The following PLD5 variants were observed in gnomAD, a reference collection of about 807,000 sequenced individuals.
PLD5 encodes the protein inactive phospholipase D5.
Under a neutral mutation model 61.1 loss-of-function variants are expected in PLD5, and 36 were observed. The observed-to-expected ratio is 0.59, with a 90% CI of 0.45 to 0.78. The LOEUF (loss-of-function observed/expected upper bound fraction) is 0.78. Ranked by LOEUF, PLD5 falls within the 30% of genes least tolerant of loss-of-function variation. The pLI is 0.00. For synonymous variants in PLD5, 243 were observed against 242.8 expected (o/e 1.00, Z -0.01); for missense variants, 515 against 644.4 (o/e 0.80, Z 2.17).
At chr1:242,207,095 T>C (rs1480846623) in intron 5 of PLD5, among the ~76,000 whole-genome samples, 1 of 152,182 alleles carries the variant, frequency 6.6e-6, no homozygotes, top group Non-Finnish European at 1.5e-5. Context: ...ACACACAATA[T>C]GGAGCAGAGC....
Position 242,429,542 on chromosome 1 carries a change from C to T in PLD5, c.190-81300G>A, listed in dbSNP as rs138068524. On this transcript the variant is annotated intron_variant, in intron 1 of 9. Transcript: ENST00000536534. ...GATTACAGGCATGAGCCACAACACCCGGGCTTGGAAATGCTCTTTATGCAT... is the reference window on the plus strand; with the variant it reads ...GATTACAGGCATGAGCCACAACACCTGGGCTTGGAAATGCTCTTTATGCAT... Among the ~76,000 whole-genome samples, 92 of 152,288 alleles carry T rather than the reference C, an allele frequency of 6.0e-4. No individual in the cohort carries two copies. The East Asian group carries it at 0.011, about 18-fold the overall frequency.
chr1:242,092,661 C>T (rs899316168), intron 9 of PLD5, among the ~76,000 whole-genome samples: 21 of 152,114 alleles, frequency 1.4e-4, no homozygotes, highest in Admixed American at 1.4e-3. Context: ...ATCACTAAGA[C>T]GCTGAGATCA....
At chr1:242,259,307 CCT>C (rs71176735) in intron 4 of PLD5, among the ~76,000 whole-genome samples, 40 of 145,716 alleles carry the variant, frequency 2.7e-4, no homozygotes, top group African/African-American at 5.8e-4. Context: ...AGACATCACC[CCT>C]CTCTCTCTCT....
At chr1:242,448,664 T>C (rs1203794173) in intron 1 of PLD5, among the ~76,000 whole-genome samples, 1 of 152,180 alleles carries the variant, frequency 6.6e-6, no homozygotes, top group Non-Finnish European at 1.5e-5. Context: ...ATAAACATGT[T>C]GTAACTTCCA....
At chr1:242,175,145 C>CA (rs2148887303) in intron 5 of PLD5, among the ~76,000 whole-genome samples, 1 of 151,964 alleles carries the variant, frequency 6.6e-6, no homozygotes, top group South Asian at 2.1e-4. Context: ...AGAGACACAG[C>CA]AAAAAAAGAA....
chr1:242,461,150 G>A (rs1363783070), intron 1 of PLD5, among the ~76,000 whole-genome samples: 1 of 152,068 alleles, frequency 6.6e-6, no homozygotes, highest in African/African-American at 2.4e-5. Flanking sequence ...AAAAAGAGCA[G>A]GGACTTTATC....
intron 5 of PLD5, among the ~76,000 whole-genome samples, chr1:242,148,654 AT>A (rs1428029228): frequency 1.3e-5 from 2 of 152,014 alleles, no homozygotes; most frequent in Non-Finnish European, 2.9e-5. Flanking sequence ...TCTTTTTAAA[AT>A]TCATTTGATG....
chr1:242,446,485 CACTT>C lies in PLD5; in HGVS notation c.189+77599_189+77602del, dbSNP rs1273112692. Among the ~76,000 whole-genome samples, 12 of 152,224 alleles carry C rather than the reference CACTT, an allele frequency of 7.9e-5. 1 individual carries two copies. The East Asian group carries it at 2.1e-3, about 27-fold the overall frequency. ...ACTCAGGAGGCTGAGACATGAGAAT[CACTT>C]GAACCTTAGACGTGGAGGTTGCAGT... On this transcript the variant is annotated intron_variant, in intron 1 of 9. Transcript: ENST00000536534.
chr1:242,252,116 C>T (rs1438663561), intron 4 of PLD5, among the ~76,000 whole-genome samples: 1 of 151,976 alleles, frequency 6.6e-6, no homozygotes, highest in Non-Finnish European at 1.5e-5. Context: ...GTTGAATTAC[C>T]AAGCATGAGA....
At chr1:242,391,566 A>G (rs1272304736) in intron 1 of PLD5, among the ~76,000 whole-genome samples, 1 of 152,204 alleles carries the variant, frequency 6.6e-6, no homozygotes, top group East Asian at 1.9e-4. Flanking sequence ...TTAATCTCGC[A>G]GAAGTGAAGG....
chr1:242,373,989 C>T (rs151293571), intron 1 of PLD5, among the ~76,000 whole-genome samples: 44 of 151,356 alleles, frequency 2.9e-4, no homozygotes, highest in South Asian at 6.3e-4. Context: ...AAAAGAATGT[C>T]GGAACAAAGC....
At chr1:242,424,033 T>C (rs1181894400) in intron 1 of PLD5, among the ~76,000 whole-genome samples, 1 of 152,162 alleles carries the variant, frequency 6.6e-6, no homozygotes, top group African/African-American at 2.4e-5. Context: ...GAAGAAATAA[T>C]CAATAATAAC....
chr1:242,400,433 CAA>C (rs1305923512), intron 1 of PLD5, among the ~76,000 whole-genome samples: 1 of 152,044 alleles, frequency 6.6e-6, no homozygotes, highest in East Asian at 1.9e-4. Context: ...TGATGAAAAG[CAA>C]ACTTTTCAAA....
intron 1 of PLD5, among the ~76,000 whole-genome samples, chr1:242,492,250 A>T (rs1031838910): frequency 3.3e-5 from 5 of 152,056 alleles, no homozygotes; most frequent in African/African-American, 1.2e-4. Flanking sequence ...CGTGGCTCAC[A>T]CCTGTAATCC....
chr1:242,232,544 T>C (rs1671375405), intron 4 of PLD5, among the ~76,000 whole-genome samples: 1 of 151,948 alleles, frequency 6.6e-6, no homozygotes, highest in African/African-American at 2.4e-5. Flanking sequence ...TATATATAAT[T>C]GAAGGAAAAA....
intron 4 of PLD5, among the ~76,000 whole-genome samples, chr1:242,222,271 C>A (rs369959368): frequency 1.3e-5 from 2 of 152,150 alleles, no homozygotes; most frequent in African/African-American, 4.8e-5. Context: ...CTGGGGATTA[C>A]ATCTTCTACA....
intron 1 of PLD5, among the ~76,000 whole-genome samples, chr1:242,458,284 T>A (rs1430302048): frequency 2.0e-5 from 3 of 152,262 alleles, no homozygotes; most frequent in Non-Finnish European, 4.4e-5. Context: ...TGTTATTTAA[T>A]TCTTCTCACT....
chr1:242,520,266 C>T (rs1669237409), intron 1 of PLD5, among the ~76,000 whole-genome samples: 1 of 152,140 alleles, frequency 6.6e-6, no homozygotes, highest in African/African-American at 2.4e-5. Flanking sequence ...GGCAAGGCAA[C>T]CAAGATGAGG....
chr1:242,499,127 A>T (rs1266985992), intron 1 of PLD5, among the ~76,000 whole-genome samples: 2 of 152,238 alleles, frequency 1.3e-5, no homozygotes, highest in East Asian at 3.8e-4. Context: ...TATTATTTTT[A>T]AAATGATAAA....
Sources: allele counts gnomAD v4.1 joint callset (sites outside exome capture counted in the v4.1 genomes callset), GRCh38; gene constraint gnomAD v4.1.1; transcripts MANE v1.5; gene names NCBI Gene and HGNC (gene_info 2026-07-23, HGNC 2026-07-21).